The following LRP1B variants were observed in gnomAD, a reference collection of about 807,000 sequenced individuals.
LRP1B encodes LDL receptor related protein 1B, also known as low-density lipoprotein receptor-related protein 1B.
LRP1B carries 217 observed loss-of-function variants against 556.6 expected under a neutral mutation model. The ratio of observed to expected loss-of-function variants is 0.39; its 90% CI spans 0.35 to 0.44. The LOEUF is 0.44. LRP1B is among the 20% of genes least tolerant of loss of function. LRP1B has a pLI of 1.00. For missense variants in LRP1B, 5,053 were observed against 5,620.8 expected (o/e 0.90, Z 3.23); for synonymous variants, 2,047 against 1,865.8 (o/e 1.10, Z -2.50).
intron 65 of LRP1B, 81 bp from the exon 66 acceptor site, chr2:140,442,704 TAA>T: frequency 5.0e-6 from 7 of 1,391,914 alleles, no homozygotes; most frequent in South Asian, 1.3e-5. Context: ...GACAAATGTT[TAA>T]GACAGTTTAT....
At chr2:140,383,008 A>G (rs1683592674) in intron 67 of LRP1B, among the ~76,000 whole-genome samples, 1 of 152,180 alleles carries the variant, frequency 6.6e-6, no homozygotes, top group South Asian at 2.1e-4. Flanking sequence ...TGAACCATAT[A>G]GTTTAGGTGT....
At chr2:140,312,338 A>C (rs556516070) in intron 83 of LRP1B, among the ~76,000 whole-genome samples, 16 of 152,094 alleles carry the variant, frequency 1.1e-4, no homozygotes, top group Admixed American at 2.6e-4. Flanking sequence ...CAAAAGTACA[A>C]ACCCTCTAGT....
chr2:140,802,355 A>G (rs532409423), intron 32 of LRP1B, among the ~76,000 whole-genome samples: 1 of 152,360 alleles, frequency 6.6e-6, no homozygotes, highest in African/African-American at 2.4e-5. Context: ...CCCAGTGGAC[A>G]TTTATATTGA....
chr2:140,347,055 A>T (rs923242480), intron 77 of LRP1B, among the ~76,000 whole-genome samples: 2 of 151,966 alleles, frequency 1.3e-5, no homozygotes, highest in Non-Finnish European at 2.9e-5. Flanking sequence ...TTTAATCTGT[A>T]CTTTTAAAGT....
At chr2:140,858,709 G>T (rs954733207) in intron 27 of LRP1B, among the ~76,000 whole-genome samples, 15 of 152,020 alleles carry the variant, frequency 9.9e-5, no homozygotes, top group Admixed American at 2.0e-4. Flanking sequence ...ATCCATTAGC[G>T]ATTTTTCCTG....
At chr2:141,666,268 T>C (rs1376643520) in intron 2 of LRP1B, among the ~76,000 whole-genome samples, 2 of 152,184 alleles carry the variant, frequency 1.3e-5, no homozygotes, top group African/African-American at 4.8e-5. Context: ...TTATCTTGTA[T>C]CACCTGAAGA....
At position 140,769,258 on chromosome 2, in the gene LRP1B, G is replaced by A. The variant is rs778717673; in HGVS notation, c.5713C>T (p.Pro1905Ser). The A allele has an allele frequency of 6.2e-7, 1 of 1,612,050 alleles. No individual in the cohort carries two copies. Among genetic ancestry groups the A allele is most frequent in the Non-Finnish European group, 8.5e-7 (1 of 1,178,608 alleles). Residue 1905 changes from proline (P) to serine (S), a missense_variant, in exon 35 of 91, where the codon CCT (proline) becomes TCT (serine). Around this residue, in one of 5 missense-constraint regions of LRP1B, gnomAD observed 3,619 missense variants for 3,931.9 expected, o/e 0.92. Transcript: ENST00000389484. The stretch of plus-strand genomic sequence containing the variant: ...ACGGCAAATGAAGTTCCTGATATAG[G>A]CATCAAAGCATCCATTTTGTCACTT... Reference protein sequence around the residue: ...EPSDKMDALMPISGTSFAVGI... With the variant: ...EPSDKMDALMSISGTSFAVGI...
intron 11 of LRP1B, among the ~76,000 whole-genome samples, chr2:141,043,843 A>G (rs1016419720): frequency 2.6e-5 from 4 of 152,034 alleles, no homozygotes; most frequent in Admixed American, 6.6e-5. Context: ...GAAGATAAAA[A>G]TGAATTCAGT....
At chr2:140,414,244 CA>C (rs1685084581) in intron 66 of LRP1B, among the ~76,000 whole-genome samples, 1 of 152,114 alleles carries the variant, frequency 6.6e-6, no homozygotes, top group Admixed American at 6.6e-5. Context: ...TGTAGAAGCA[CA>C]TATTATTTTT....
At chr2:140,977,652 T>C (rs12994826) in intron 18 of LRP1B, among the ~76,000 whole-genome samples, 150,167 of 151,994 alleles carry the variant, frequency 0.99, 74,213 homozygotes, top group Middle Eastern at 1. Context: ...ACTTTTGCAC[T>C]GACCTAATAG....
chr2:141,547,960 C>T (rs1685613441), intron 2 of LRP1B, among the ~76,000 whole-genome samples: 1 of 152,078 alleles, frequency 6.6e-6, no homozygotes, highest in Non-Finnish European at 1.5e-5. Flanking sequence ...CGACCTAGCT[C>T]TGTTGGGTGA....
intron 32 of LRP1B, among the ~76,000 whole-genome samples, chr2:140,810,119 C>T (rs1031310272): frequency 6.6e-6 from 1 of 152,144 alleles, no homozygotes; most frequent in Non-Finnish European, 1.5e-5. Flanking sequence ...GATCTGGGTA[C>T]TATTCTAATT....
At chr2:142,075,580 A>G (rs1009952534) in intron 1 of LRP1B, among the ~76,000 whole-genome samples, 2 of 152,142 alleles carry the variant, frequency 1.3e-5, no homozygotes, top group Non-Finnish European at 1.5e-5. Context: ...CCATAGTTCC[A>G]TCATAACTTC....
intron 43 of LRP1B, among the ~76,000 whole-genome samples, chr2:140,548,775 A>G (rs539849703): frequency 6.6e-6 from 1 of 151,924 alleles, no homozygotes; most frequent in East Asian, 1.9e-4. Context: ...AACACAAAAA[A>G]TTAGCCGGGC....
chr2:140,728,000 C>G (rs1300729196), intron 35 of LRP1B, among the ~76,000 whole-genome samples: 1 of 152,080 alleles, frequency 6.6e-6, no homozygotes, highest in Admixed American at 6.5e-5. Flanking sequence ...CTGCAGACTT[C>G]AAAGATTTTA....
At chr2:141,359,956 A>G (rs1036584918) in intron 3 of LRP1B, among the ~76,000 whole-genome samples, 1 of 152,228 alleles carries the variant, frequency 6.6e-6, no homozygotes, top group African/African-American at 2.4e-5. Context: ...AAAGACACAG[A>G]TACACAAAAC....
At chr2:141,248,015 C>T (rs1263821659) in intron 4 of LRP1B, among the ~76,000 whole-genome samples, 1 of 152,108 alleles carries the variant, frequency 6.6e-6, no homozygotes, top group Non-Finnish European at 1.5e-5. Flanking sequence ...TGAGACCAGC[C>T]TGGCCAACAT....
chr2:140,401,225 T>G lies in LRP1B; in HGVS notation c.10415-15216A>C, dbSNP rs11900993. Among the ~76,000 whole-genome samples the G allele has an allele frequency of 6.4e-3, 968 of 152,274 alleles. 11 individuals are homozygous for G. The highest frequency in any genetic ancestry group is 0.021 in the African/African-American group (854 of 41,544). On this transcript the variant is annotated intron_variant, in intron 66 of 90. Transcript: ENST00000389484. Reference sequence around the variant, plus strand: ...GAGGCAGATGGGGAGTGACATGGTCTGAAAGCCTCTGTTGCTGTCTCTGCA... The same window carrying G: ...GAGGCAGATGGGGAGTGACATGGTCGGAAAGCCTCTGTTGCTGTCTCTGCA...
intron 1 of LRP1B, among the ~76,000 whole-genome samples, chr2:141,972,645 C>A (rs1701775998): frequency 6.7e-6 from 1 of 150,218 alleles, no homozygotes; most frequent in Non-Finnish European, 1.5e-5. Flanking sequence ...GCCTATGAGA[C>A]AAAAGCTGGG....
Sources: gnomAD v4.1 joint callset for allele counts (sites outside exome capture counted in the v4.1 genomes callset) on GRCh38, gnomAD v4.1.1 for gene constraint, gnomAD v4.1.1 regional missense constraint, MANE v1.5 for transcripts, NCBI Gene and HGNC (gene_info 2026-07-23, HGNC 2026-07-21) for gene names.